Variants in C4orf36 observed in about 807,000 individuals in gnomAD.
C4orf36 encodes uncharacterized protein C4orf36.
Under a neutral mutation model 12.2 loss-of-function variants are expected in C4orf36, and 11 were observed. That is an observed-to-expected ratio of 0.90 (90% confidence interval 0.57 to 1.49). The LOEUF (loss-of-function observed/expected upper bound fraction) is 1.49, where lower values mean the gene tolerates loss of function less well. Ranked by LOEUF, C4orf36 falls within the 40% of genes most tolerant of loss-of-function variation. The pLI is 0.00. For synonymous variants in C4orf36, 54 were observed against 51.3 expected (o/e 1.05, Z -0.22); for missense variants, 137 against 133.9 (o/e 1.02, Z -0.11).
intron 3 of C4orf36, 54 bp from the exon 4 acceptor site, chr4:86,887,947 C>G: frequency 6.2e-7 from 1 of 1,605,916 alleles, no homozygotes; most frequent in Non-Finnish European, 8.5e-7. Flanking sequence ...TCAGGCATAA[C>G]TAAGTCAAAA....
At chr4:86,917,339 G>GAAGGATGGAAGGAAGGAAGGA in the C4orf36 span, among the ~76,000 whole-genome samples, 3 of 146,332 alleles carry the variant, frequency 2.1e-5, no homozygotes, top group East Asian at 2.0e-4. Flanking sequence ...ATGAAGGAAG[G>GAAGGATGGAAGGAAGGAAGGA]AAGGATGGAA....
chr4:86,936,123 G>C, the C4orf36 span: 1 of 152,242 alleles, frequency 6.6e-6, no homozygotes, highest in Non-Finnish European at 1.5e-5. Context: ...ATCCCGGGAA[G>C]GCACTTGGCT....
the C4orf36 span, among the ~76,000 whole-genome samples, chr4:86,912,719 C>A: frequency 1.3e-5 from 2 of 152,086 alleles, no homozygotes; most frequent in African/African-American, 4.8e-5. Flanking sequence ...TATACACACA[C>A]ACATGAGCAT....
the C4orf36 span, among the ~76,000 whole-genome samples, chr4:86,916,781 C>T: frequency 6.6e-6 from 1 of 152,214 alleles, no homozygotes; most frequent in Non-Finnish European, 1.5e-5. Flanking sequence ...CAGAGCACTG[C>T]TTCTGCTCAA....
At chr4:86,902,418 CAAAAAAAAAAAAA>C in the C4orf36 span, among the ~76,000 whole-genome samples, 2 of 58,958 alleles carry the variant, frequency 3.4e-5, no homozygotes, top group African/African-American at 8.0e-5. Flanking sequence ...ATGAGACTCT[CAAAAAAAAAAAAA>C]AAAAAAAAAA....
At chr4:86,934,373 CTA>C in the C4orf36 span, 1 of 152,164 alleles carries the variant, frequency 6.6e-6, no homozygotes, top group Admixed American at 6.5e-5. Flanking sequence ...CCCCCTGCAC[CTA>C]TTAGAATTTT....
At chr4:86,886,506 G>T (rs943301356) in intron 4 of C4orf36, 5 of 152,184 alleles carry the variant, frequency 3.3e-5, no homozygotes, top group African/African-American at 1.2e-4. Context: ...ACAGGCACAT[G>T]AAAAAATGTG....
At chr4:86,926,672 G>A in the C4orf36 span, among the ~76,000 whole-genome samples, 16 of 152,212 alleles carry the variant, frequency 1.1e-4, no homozygotes, top group African/African-American at 3.9e-4. Flanking sequence ...GTATGCTTAC[G>A]TTATTGCTGT....
chr4:86,906,895 C>T, the C4orf36 span, among the ~76,000 whole-genome samples: 2 of 151,872 alleles, frequency 1.3e-5, no homozygotes, highest in Non-Finnish European at 2.9e-5. Context: ...CAAAAATTAG[C>T]CAGGCATGGT....
At chr4:86,901,129 C>T in the C4orf36 span, among the ~76,000 whole-genome samples, 1 of 151,976 alleles carries the variant, frequency 6.6e-6, no homozygotes, top group African/African-American at 2.4e-5. Flanking sequence ...GGGTTACAGG[C>T]ACATGCCACC....
the C4orf36 span, among the ~76,000 whole-genome samples, chr4:86,903,565 T>C: frequency 6.6e-6 from 1 of 152,210 alleles, no homozygotes; most frequent in East Asian, 1.9e-4. Context: ...TGGTGAGTGT[T>C]ACAGCTCCTA....
the C4orf36 span, among the ~76,000 whole-genome samples, chr4:86,912,211 G>C: frequency 8.6e-5 from 13 of 151,994 alleles, no homozygotes; most frequent in Non-Finnish European, 1.3e-4. Context: ...AAACAAAACA[G>C]AGTCTCACTA....
chr4:86,887,137 T>C (rs1183239646), intron 4 of C4orf36: 1 of 151,980 alleles, frequency 6.6e-6, no homozygotes, highest in African/African-American at 2.4e-5. Context: ...GGGGGAGGGA[T>C]AGCATTAGGA....
chr4:86,932,901 T>A, the C4orf36 span, among the ~76,000 whole-genome samples: 1 of 151,948 alleles, frequency 6.6e-6, no homozygotes, highest in East Asian at 1.9e-4. Context: ...TTTCATTGAG[T>A]GTGCTAAAAA....
chr4:86,881,678 C>A (rs1388712823), intron 4 of C4orf36, among the ~76,000 whole-genome samples: 4 of 146,386 alleles, frequency 2.7e-5, no homozygotes, highest in Non-Finnish European at 6.0e-5. Context: ...CTGAAATTTT[C>A]TTTTTTTTTT....
chr4:86,879,613 C>T (rs917839226), intron 4 of C4orf36, among the ~76,000 whole-genome samples: 1 of 152,072 alleles, frequency 6.6e-6, no homozygotes, highest in African/African-American at 2.4e-5. Context: ...GACTAGCAAG[C>T]CTACTTGAAG....
chr4:86,891,156 G>A (rs966258138), intron 2 of C4orf36, among the ~76,000 whole-genome samples: 1 of 152,106 alleles, frequency 6.6e-6, no homozygotes, highest in East Asian at 1.9e-4. Context: ...GGAACAAAAA[G>A]ACTCCGAGTC....
At chr4:86,918,627 G>C in the C4orf36 span, among the ~76,000 whole-genome samples, 4 of 152,268 alleles carry the variant, frequency 2.6e-5, no homozygotes. Flanking sequence ...AGAATAAGTG[G>C]TTTCTATACT....
At chr4:86,912,524 T>C in the C4orf36 span, among the ~76,000 whole-genome samples, 10 of 152,234 alleles carry the variant, frequency 6.6e-5, no homozygotes, top group Non-Finnish European at 1.5e-4. Context: ...TCTGCCTCCC[T>C]GGAATTAATA....
Sources: gnomAD v4.1 joint callset for allele counts (sites outside exome capture counted in the v4.1 genomes callset) on GRCh38, gnomAD v4.1.1 for gene constraint, MANE v1.5 for transcripts, NCBI Gene and HGNC (gene_info 2026-07-23, HGNC 2026-07-21) for gene names.